NME6: variants seen among roughly 807,000 people sequenced by gnomAD.
NME6 encodes NME/NM23 nucleoside diphosphate kinase 6, also known as nucleoside diphosphate kinase 6, mitochondrial.
In NME6, 16 loss-of-function variants were observed where a neutral mutation model predicts 22.2. The observed-to-expected ratio is 0.72, with a 90% CI of 0.49 to 1.09. The LOEUF is 1.09. Ranked by LOEUF, NME6 falls within the 50% of genes least tolerant of loss-of-function variation. NME6 has a pLI of 0.00. For missense variants in NME6, 229 were observed against 239.0 expected (o/e 0.96, Z 0.28); for synonymous variants, 58 against 85.2 (o/e 0.68, Z 1.76).
At position 48,296,744 on chromosome 3, in the gene NME6, A is replaced by C. The variant is rs2035147379; in HGVS notation, c.176T>G (p.Phe59Cys). 5.0e-6 allele frequency: 8 copies of C among 1,613,210 alleles called. No homozygotes were observed. Among genetic ancestry groups the C allele is most frequent in the Non-Finnish European group, 6.8e-6 (8 of 1,179,626 alleles). Residue 59 changes from phenylalanine (F) to cysteine (C), a missense_variant, in exon 3 of 6, where the codon TTT becomes TGT. Physicochemically the swap from Phe to Cys is radical, Grantham distance 205. Coordinates refer to ENST00000442597, the MANE Select transcript of NME6 (RefSeq NM_001308426.2). ...LLWRKEDCQR[F>C]YREHEGRFFY... Reference sequence around the variant, plus strand: ...GATCCTACCTTCATGCTCTCGGTAAAACCTCTGGCAATCTTCCTTTCTCCA... The same window carrying C: ...GATCCTACCTTCATGCTCTCGGTAACACCTCTGGCAATCTTCCTTTCTCCA...
At chr3:48,301,289 A>G (rs1364261025) in intron 1 of NME6, 64 bp downstream of exon 1, 6 of 1,598,776 alleles carry the variant, frequency 3.8e-6, no homozygotes, top group Non-Finnish European at 5.1e-6. Flanking sequence ...CCGGGGCCTA[A>G]GCCCACCCCA....
intron 1 of NME6, chr3:48,299,196 T>C: frequency 2.0e-6 from 1 of 498,716 alleles, no homozygotes; most frequent in Non-Finnish European, 3.6e-6. Flanking sequence ...AAACAGTGCC[T>C]GACACAAAGG....
At chr3:48,294,884 G>A in intron 5 of NME6, 81 bp from the exon 6 acceptor site, 1 of 1,489,650 alleles carries the variant, frequency 6.7e-7, no homozygotes, top group Non-Finnish European at 9.2e-7. Flanking sequence ...AGAATCCTGA[G>A]CCTCTACTCT....
Position 48,298,591 on chromosome 3 carries a change from A to C in NME6, c.-7-68T>G. 7 of 1,211,812 alleles carry C rather than the reference A, an allele frequency of 5.8e-6. No individual in the cohort carries two copies. In the South Asian group the frequency reaches 9.2e-5, roughly 16 times the overall value. The allele number at this position is 1,211,812 out of a possible 1,614,324, so 75.1% of individuals were successfully genotyped here. On this transcript the variant is annotated intron_variant, in intron 1 of 5. Transcript: ENST00000442597. ...TCCCAGCCTTCCCTACATTGGAGCC[A>C]CGCAGCCTTGCAAGCCAACGAGTGC...
chr3:48,300,900 T>C (rs1276827480), intron 1 of NME6, among the ~76,000 whole-genome samples: 3 of 151,782 alleles, frequency 2.0e-5, no homozygotes, highest in African/African-American at 7.3e-5. Flanking sequence ...ACAAAAAAAT[T>C]AGCCAGGCAT....
chr3:48,289,349 G>A (rs570096034), downstream of NME6, among the ~76,000 whole-genome samples: 55 of 152,114 alleles, frequency 3.6e-4, no homozygotes, highest in Non-Finnish European at 6.0e-4. Context: ...GATTACAGGC[G>A]TGAGCCACCA....
At chr3:48,295,025 G>A (rs374982532) in intron 5 of NME6, 50 bp downstream of exon 5, 42 of 1,579,798 alleles carry the variant, frequency 2.7e-5, no homozygotes, top group Non-Finnish European at 3.5e-5. Context: ...CTACCACACA[G>A]CCTGCCCGCT....
At chr3:48,296,055 T>C (rs2035055244) in intron 4 of NME6, 64 bp downstream of exon 4, 1 of 1,101,010 alleles carries the variant, frequency 9.1e-7, no homozygotes, top group Non-Finnish European at 1.4e-6. Flanking sequence ...AATGAACAAA[T>C]CCATTTAGGG....
Position 48,295,179 on chromosome 3 carries a change from G to T in NME6, c.290C>A (p.Thr97Lys), listed in dbSNP as rs139048878. ...GAACACTCTGGTGGGTCCCATGAGC[G>T]TCCTCCAGAGCTGGATGGCATCCTT... ...AHKDAIQLWR[T>K]LMGPTRVFRA... The change falls in exon 5 of 6, where the codon ACG becomes AAG. Residue 97 changes from threonine to lysine, a missense_variant. Thr to Lys is a moderately conservative substitution (Grantham distance 78, BLOSUM62 -1). Coordinates refer to ENST00000442597, the MANE Select transcript of NME6 (RefSeq NM_001308426.2). The T allele has an allele frequency of 2.2e-5, 35 of 1,614,060 alleles. 1 individual carries two copies. Among genetic ancestry groups the T allele is most frequent in the Non-Finnish European group, 2.5e-6 (3 of 1,180,016 alleles).
chr3:48,298,178 G>T (rs1224096425), intron 2 of NME6: 3 of 525,954 alleles, frequency 5.7e-6, no homozygotes, highest in Non-Finnish European at 1.0e-5. Context: ...TGTAGCAATA[G>T]AAACTAACAA....
chr3:48,296,956 G>A lies in NME6; in HGVS notation c.91-127C>T, dbSNP rs1010418259. On this transcript the variant is annotated intron_variant, in intron 2 of 5. Coordinates refer to ENST00000442597, the MANE Select transcript of NME6 (RefSeq NM_001308426.2). ...CCATTGAAGGGTGAGAAGACGAGGT[G>A]GGGTGAGGTGAAGACCTTCAGTCAC... The A allele has an allele frequency of 1.5e-5, 10 of 667,398 alleles. No individual in the cohort carries two copies. In the Admixed American group the frequency reaches 2.2e-4, roughly 15 times the overall value. 41.3% of individuals were successfully genotyped at this position (667,398 alleles called of 1,614,324 possible). A position where few individuals can be genotyped will look rare whatever the true frequency, so the allele number is the denominator to read the frequency against.
chr3:48,289,406 G>A (rs555621488), downstream of NME6, among the ~76,000 whole-genome samples: 2 of 152,122 alleles, frequency 1.3e-5, no homozygotes, highest in African/African-American at 2.4e-5. Context: ...TGGAAAGGTG[G>A]ATTGAGGGAG....
At position 48,295,250 on chromosome 3, in the gene NME6, A is replaced by T. The variant is rs767212811; in HGVS notation, c.234-15T>A. The T allele has an allele frequency of 6.2e-7, 1 of 1,604,950 alleles. No homozygotes were observed. The highest frequency in any genetic ancestry group is 2.2e-5 in the East Asian group (1 of 44,616). On this transcript the variant is annotated splice_polypyrimidine_tract_variant and intron_variant, in intron 4 of 5. Transcript: ENST00000442597. ...GGATTGGCCCGCTGTGAACAAAACAAGCACATGTAAAGAACCTGGCCATCT... is the reference window on the plus strand; with the variant it reads ...GGATTGGCCCGCTGTGAACAAAACATGCACATGTAAAGAACCTGGCCATCT...
intron 2 of NME6, 46 bp from the exon 3 acceptor site, chr3:48,296,875 A>C (rs775972373): frequency 6.9e-7 from 1 of 1,447,794 alleles, no homozygotes; most frequent in African/African-American, 1.4e-5. Context: ...AGGAGACTGA[A>C]ACTGACCAAA....
chr3:48,298,633 C>A, intron 1 of NME6, 110 bp from the exon 2 acceptor site: 2 of 683,626 alleles, frequency 2.9e-6, no homozygotes. Flanking sequence ...TCCTGACACT[C>A]ATAAAGAACC....
chr3:48,300,462 T>C (rs1025555814), intron 1 of NME6: 36 of 402,236 alleles, frequency 8.9e-5, no homozygotes, highest in African/African-American at 6.8e-4. Context: ...CCCGTTACAC[T>C]TTCTCACAGC....
At position 48,295,126 on chromosome 3, in the gene NME6, T is replaced by C. The variant is rs1210149855; in HGVS notation, c.343A>G (p.Ile115Val). The change falls in exon 5 of 6, where the codon ATC (isoleucine) becomes GTC (valine). Residue 115 changes from isoleucine to valine, a missense_variant. Transcript: ENST00000442597. ...FRARHVAPDSIRGSFGLTDTR... is the reference protein window; with the variant it reads ...FRARHVAPDSVRGSFGLTDTR... The stretch of plus-strand genomic sequence containing the variant: ...TCAGTGAGGCCGAAACTCCCACGGA[T>C]AGAATCTGGGGCCACATGGCGTGCT... The C allele has an allele frequency of 6.2e-7, 1 of 1,614,112 alleles. No individual in the cohort carries two copies.
chr3:48,297,079 C>G (rs753307790), intron 2 of NME6, among the ~76,000 whole-genome samples: 6 of 152,190 alleles, frequency 3.9e-5, no homozygotes, highest in Non-Finnish European at 7.3e-5. Context: ...CAGGACCCAC[C>G]ACTCAGACCA....
chr3:48,296,768 C>CA lies in NME6; in HGVS notation c.151dup (p.Trp51LeufsTer14), dbSNP rs754877351. 5.6e-6 allele frequency: 9 copies of CA among 1,613,836 alleles called. No homozygotes were observed. Reference sequence around the variant, plus strand: ...AAACCTCTGGCAATCTTCCTTTCTCCACAGTAGTTCTCTCATTCGTACAAT... The same window carrying CA: ...AAACCTCTGGCAATCTTCCTTTCTCCAACAGTAGTTCTCTCATTCGTACAAT... On this transcript the variant is annotated frameshift_variant, in exon 3 of 6. Coordinates refer to ENST00000442597, the MANE Select transcript of NME6 (RefSeq NM_001308426.2). LOFTEE classifies it high-confidence loss of function.
Sources: allele counts gnomAD v4.1 joint callset (sites outside exome capture counted in the v4.1 genomes callset), GRCh38; gene constraint gnomAD v4.1.1; transcripts MANE v1.5; gene names NCBI Gene and HGNC (gene_info 2026-07-23, HGNC 2026-07-21).